The following PDE4D variants were observed in gnomAD, a reference collection of about 807,000 sequenced individuals.
PDE4D encodes the protein phosphodiesterase 4D.
Under a neutral mutation model 87.4 loss-of-function variants are expected in PDE4D, and 24 were observed. The observed-to-expected ratio is 0.27, with a 90% CI of 0.20 to 0.39. The LOEUF (loss-of-function observed/expected upper bound fraction) is 0.39, where lower values mean the gene tolerates loss of function less well. Ranked by LOEUF, PDE4D falls within the 10% of genes least tolerant of loss-of-function variation. The probability of loss-of-function intolerance (pLI) is 1.00; values close to 1 mark genes in which losing one functional copy is unlikely to be tolerated. For missense variants in PDE4D, 714 were observed against 1,041.0 expected (o/e 0.69, Z 4.32); for synonymous variants, 384 against 383.2 (o/e 1.00, Z -0.02).
chr5:60,109,559 C>T lies in PDE4D; in HGVS notation c.42+75998G>A, dbSNP rs1350868759. Among the ~76,000 whole-genome samples, 6 of 151,828 alleles carry T rather than the reference C, an allele frequency of 4.0e-5. No homozygotes were observed. The East Asian group carries it at 1.2e-3, about 29-fold the overall frequency. On this transcript the variant is annotated intron_variant, in intron 2 of 16. Transcript: ENST00000502484. ...TCATGCTGCTATAAAGACACATGCA[C>T]ACGTATGTTTATTGTGGCACTATTC...
intron 1 of PDE4D, among the ~76,000 whole-genome samples, chr5:59,696,713 G>T (rs1431757845): frequency 6.6e-6 from 1 of 152,076 alleles, no homozygotes; most frequent in African/African-American, 2.4e-5. Flanking sequence ...GTTTTTATAA[G>T]GTATTTATTC....
At chr5:59,817,796 C>T (rs895687091) in intron 1 of PDE4D, among the ~76,000 whole-genome samples, 3 of 146,928 alleles carry the variant, frequency 2.0e-5, no homozygotes, top group Middle Eastern at 3.6e-3. Context: ...GAAAAGGTGT[C>T]TGTGTCTGCA....
At chr5:59,691,164 G>A (rs1326619724) in intron 1 of PDE4D, among the ~76,000 whole-genome samples, 9 of 152,298 alleles carry the variant, frequency 5.9e-5, no homozygotes, top group South Asian at 2.1e-4. Context: ...ACAGTGTGGC[G>A]ATTCCTCAAG....
chr5:60,255,997 T>A (rs993258427), intron 1 of PDE4D, among the ~76,000 whole-genome samples: 10 of 151,928 alleles, frequency 6.6e-5, no homozygotes, highest in Non-Finnish European at 1.3e-4. Context: ...TGGACACATT[T>A]GTTGTCAAAG....
At chr5:59,586,185 C>A in intron 1 of PDE4D, 1 of 567,556 alleles carries the variant, frequency 1.8e-6, no homozygotes, top group South Asian at 3.5e-5. Context: ...ATTACTTTCT[C>A]AGACAATATT....
At chr5:60,127,633 T>C (rs1322272154) in intron 2 of PDE4D, 2 of 576,752 alleles carry the variant, frequency 3.5e-6, no homozygotes, top group African/African-American at 1.9e-5. Context: ...ACTGTTGATA[T>C]TCATAGTTTT....
At chr5:60,253,639 A>G (rs764432321) in intron 1 of PDE4D, among the ~76,000 whole-genome samples, 1 of 151,942 alleles carries the variant, frequency 6.6e-6, no homozygotes, top group Non-Finnish European at 1.5e-5. Context: ...CCAGCCTAAC[A>G]AAAGAATCCA....
chr5:59,514,108 C>CTTT (rs766645707), intron 1 of PDE4D, among the ~76,000 whole-genome samples: 2 of 139,998 alleles, frequency 1.4e-5, no homozygotes, highest in Non-Finnish European at 3.1e-5. Flanking sequence ...TTACATTTTT[C>CTTT]TTTTTTTTTT....
At position 59,084,771 on chromosome 5, in the gene PDE4D, C is replaced by T. The variant is rs553935120; in HGVS notation, c.809-45800G>A. Among the ~76,000 whole-genome samples the T allele has an allele frequency of 5.9e-5, 9 of 151,792 alleles. No homozygotes were observed. In the East Asian group the frequency reaches 9.7e-4, roughly 16 times the overall value. Reference sequence around the variant, plus strand: ...CAACAAGAAAAAACAAATCAGCCCACGAATAAATAATAAAATAATAAAAAG... The same window carrying T: ...CAACAAGAAAAAACAAATCAGCCCATGAATAAATAATAAAATAATAAAAAG... On this transcript the variant is annotated intron_variant, in intron 5 of 14. Coordinates refer to ENST00000340635, the MANE Select transcript of PDE4D (RefSeq NM_001104631.2).
intron 1 of PDE4D, among the ~76,000 whole-genome samples, chr5:59,482,496 G>A (rs769196299): frequency 5.1e-4 from 78 of 152,214 alleles, no homozygotes; most frequent in Non-Finnish European, 1.0e-3. Context: ...AATCATCCCT[G>A]TAGTGATAAA....
chr5:59,125,306 T>G, intron 5 of PDE4D: 1 of 983,138 alleles, frequency 1.0e-6, no homozygotes, highest in South Asian at 4.7e-5. Flanking sequence ...CCATGGTAAT[T>G]TGGTCCACGA....
intron 1 of PDE4D, among the ~76,000 whole-genome samples, chr5:59,860,376 T>C (rs919061668): frequency 2.8e-4 from 43 of 152,210 alleles, no homozygotes; most frequent in African/African-American, 1.0e-3. Context: ...AGGAATTCTG[T>C]GATGAGATAG....
chr5:59,900,905 T>G (rs1752191161), intron 3 of PDE4D, among the ~76,000 whole-genome samples: 1 of 152,150 alleles, frequency 6.6e-6, no homozygotes, highest in Non-Finnish European at 1.5e-5. Context: ...GATTTAATCT[T>G]ATAGTTTGAG....
chr5:60,201,517 G>A (rs1333256417), intron 1 of PDE4D, among the ~76,000 whole-genome samples: 1 of 152,040 alleles, frequency 6.6e-6, no homozygotes, highest in African/African-American at 2.4e-5. Flanking sequence ...GTTCCGATCT[G>A]AATTATTTAC....
intron 1 of PDE4D, among the ~76,000 whole-genome samples, chr5:60,323,761 C>G (rs1756519080): frequency 6.6e-6 from 1 of 151,746 alleles, no homozygotes; most frequent in South Asian, 2.1e-4. Flanking sequence ...TTACCACCCT[C>G]CACCCCCCAC....
chr5:59,683,274 T>C (rs1490504431), intron 1 of PDE4D, among the ~76,000 whole-genome samples: 1 of 152,150 alleles, frequency 6.6e-6, no homozygotes, highest in Non-Finnish European at 1.5e-5. Flanking sequence ...AGAGATTGAA[T>C]AAAGTAAATG....
chr5:60,049,772 T>C, intron 2 of PDE4D, among the ~76,000 whole-genome samples: 1 of 152,214 alleles, frequency 6.6e-6, no homozygotes, highest in Admixed American at 6.5e-5. Flanking sequence ...TCTTCAAAGC[T>C]GTCAGACAAG....
intron 1 of PDE4D, among the ~76,000 whole-genome samples, chr5:60,244,363 G>A (rs1244862252): frequency 6.6e-6 from 1 of 152,032 alleles, no homozygotes; most frequent in Admixed American, 6.6e-5. Context: ...TTGTTAAAAT[G>A]TCCATACTAT....
At chr5:59,879,898 G>T (rs1353130045) in intron 1 of PDE4D, among the ~76,000 whole-genome samples, 1 of 151,862 alleles carries the variant, frequency 6.6e-6, no homozygotes, top group Non-Finnish European at 1.5e-5. Context: ...ACACCACCAC[G>T]TCCAGCTAAT....
Sources: gnomAD v4.1 joint callset for allele counts (sites outside exome capture counted in the v4.1 genomes callset) on GRCh38, gnomAD v4.1.1 for gene constraint, MANE v1.5 for transcripts, NCBI Gene and HGNC (gene_info 2026-07-23, HGNC 2026-07-21) for gene names.